Variants in NPAS2 observed in about 807,000 individuals in gnomAD.
The protein encoded by NPAS2 is neuronal PAS domain protein 2.
A neutral mutation model predicts 107.5 loss-of-function variants in NPAS2; 23 were observed. The observed-to-expected ratio is 0.21, with a 90% CI of 0.15 to 0.30. The LOEUF (loss-of-function observed/expected upper bound fraction) is 0.30. Ranked by LOEUF, NPAS2 falls within the 10% of genes least tolerant of loss-of-function variation. NPAS2 has a pLI of 1.00. For synonymous variants in NPAS2, 403 were observed against 417.5 expected (o/e 0.97, Z 0.42); for missense variants, 756 against 1,043.3 (o/e 0.72, Z 3.79).
intron 1 of NPAS2, among the ~76,000 whole-genome samples, chr2:100,871,941 G>A (rs1679616024): frequency 6.6e-6 from 1 of 152,100 alleles, no homozygotes; most frequent in Non-Finnish European, 1.5e-5. Context: ...TTGGGGGAAG[G>A]CAGATATCTT....
chr2:100,970,958 T>C lies in NPAS2; in HGVS notation c.1056-32T>C, dbSNP rs371458110. 1.2e-4 allele frequency: 198 copies of C among 1,600,566 alleles called. 3 individuals are homozygous for C. The Middle Eastern group carries it at 1.7e-3, about 13-fold the overall frequency. ...TGTCATCCCTTCCTGGAATGCCCCA[T>C]CTCCACTGTGGTCTCTTAATTTCCT... is the stretch of plus-strand genomic sequence containing the variant. On this transcript the variant is annotated intron_variant, in intron 11 of 20. Coordinates refer to ENST00000335681, the MANE Select transcript of NPAS2 (RefSeq NM_002518.4).
chr2:100,942,868 T>G (rs1674658567), intron 5 of NPAS2, among the ~76,000 whole-genome samples: 1 of 152,230 alleles, frequency 6.6e-6, no homozygotes, highest in Non-Finnish European at 1.5e-5. Flanking sequence ...CTCCTTTTGC[T>G]CAACATCGTT....
intron 1 of NPAS2, among the ~76,000 whole-genome samples, chr2:100,832,716 A>G (rs1428034921): frequency 2.0e-5 from 2 of 98,372 alleles, no homozygotes; most frequent in Non-Finnish European, 4.0e-5. Flanking sequence ...CCCAGGAAAC[A>G]ATGGGGGTGC....
intron 1 of NPAS2, among the ~76,000 whole-genome samples, chr2:100,859,607 G>A (rs939640580): frequency 1.3e-5 from 2 of 152,142 alleles, no homozygotes; most frequent in African/African-American, 2.4e-5. Context: ...CCAGGGGAGC[G>A]AGCAGAGCTT....
intron 1 of NPAS2, chr2:100,878,459 G>A (rs1161782667): frequency 4.1e-6 from 4 of 985,330 alleles, no homozygotes; most frequent in Non-Finnish European, 3.6e-6. Context: ...CAACAAGCTG[G>A]AGAATAGCTC....
Position 100,830,792 on chromosome 2 carries a change from A to G in NPAS2, c.-23+10378A>G, listed in dbSNP as rs537746218. Among the ~76,000 whole-genome samples, 3 of 152,332 alleles carry G rather than the reference A, an allele frequency of 2.0e-5. No individual in the cohort carries two copies. The East Asian group carries it at 5.8e-4, about 29-fold the overall frequency. On this transcript the variant is annotated intron_variant, in intron 1 of 20. Coordinates refer to ENST00000335681, the MANE Select transcript of NPAS2 (RefSeq NM_002518.4). ...AACTTGATGGCTTCAATTTTCCATT[A>G]TCCATCATGGAGGGTGAAGACCTTT... is the stretch of plus-strand genomic sequence containing the variant.
chr2:100,873,370 A>G lies in NPAS2; in HGVS notation c.-22-31363A>G, dbSNP rs571573185. On this transcript the variant is annotated intron_variant, in intron 1 of 20. Transcript: ENST00000335681. ...TATACATACACACATATGTGTATAT[A>G]TATATATTTTTTCAAATATATATAT... Among the ~76,000 whole-genome samples the G allele has an allele frequency of 1.9e-3, 280 of 145,824 alleles. 2 individuals carry two copies. The highest frequency in any genetic ancestry group is 6.8e-3 in the African/African-American group (271 of 39,824).
intron 1 of NPAS2, among the ~76,000 whole-genome samples, chr2:100,871,846 C>T (rs1216039466): frequency 6.6e-6 from 1 of 152,104 alleles, no homozygotes; most frequent in Non-Finnish European, 1.5e-5. Flanking sequence ...GAAACCCTTA[C>T]TTAATTTAGT....
chr2:100,854,118 C>G (rs1288242264), intron 1 of NPAS2, among the ~76,000 whole-genome samples: 1 of 146,042 alleles, frequency 6.8e-6, no homozygotes, highest in Non-Finnish European at 1.5e-5. Context: ...CCACTGCACT[C>G]CAGCCTCGAC....
intron 8 of NPAS2, 121 bp from the exon 9 acceptor site, chr2:100,964,740 C>T: frequency 1.5e-6 from 1 of 646,948 alleles, no homozygotes; most frequent in Non-Finnish European, 2.7e-6. Context: ...TCCAACACGA[C>T]TTGGAGACTT....
intron 1 of NPAS2, among the ~76,000 whole-genome samples, chr2:100,853,361 A>G (rs565397512): frequency 9.2e-5 from 14 of 152,188 alleles, no homozygotes; most frequent in Non-Finnish European, 1.8e-4. Flanking sequence ...GTGCTCTACG[A>G]TGGAGTCAAG....
rs35830048 is a variant in NPAS2 at position 100,838,173 on chromosome 2, C to CT, written c.-23+17775dup. 5.1e-3 allele frequency among the ~76,000 whole-genome samples: 681 copies of CT among 134,008 alleles called. 3 individuals are homozygous for CT. Among genetic ancestry groups the CT allele is most frequent in the African/African-American group, 7.5e-3 (274 of 36,704 alleles). The allele number at this position is 134,008 out of a possible 152,430, so 87.9% of individuals were successfully genotyped here. A position where few individuals can be genotyped will look rare whatever the true frequency, so the allele number is the denominator to read the frequency against. ...CCTGAAATTGTCATCCCTGGGTTAG[C>CT]TTTTTTTTTTTTTTTTAATAATTCC... On this transcript the variant is annotated intron_variant, in intron 1 of 20. Coordinates refer to ENST00000335681, the MANE Select transcript of NPAS2 (RefSeq NM_002518.4).
chr2:100,944,546 C>T (rs1014010303), intron 5 of NPAS2, among the ~76,000 whole-genome samples: 2 of 152,158 alleles, frequency 1.3e-5, no homozygotes, highest in Admixed American at 1.3e-4. Flanking sequence ...TTTTAATAAA[C>T]AGAACTCAGC....
chr2:100,945,581 G>A (rs1218434009), intron 5 of NPAS2, among the ~76,000 whole-genome samples: 1 of 152,148 alleles, frequency 6.6e-6, no homozygotes, highest in Non-Finnish European at 1.5e-5. Context: ...CCTGGCACAG[G>A]GTCGAGCCCT....
intron 7 of NPAS2, among the ~76,000 whole-genome samples, chr2:100,952,672 C>T (rs1675302936): frequency 6.6e-6 from 1 of 152,046 alleles, no homozygotes; most frequent in Non-Finnish European, 1.5e-5. Context: ...TAAGATGCTG[C>T]TGAATATCCC....
At position 100,988,119 on chromosome 2, in the gene NPAS2, G is replaced by A. The variant is rs1433367856; in HGVS notation, c.1670G>A (p.Ser557Asn). 1 of 1,614,210 alleles carries A rather than the reference G, an allele frequency of 6.2e-7. No homozygotes were observed. The highest frequency in any genetic ancestry group is 2.2e-5 in the East Asian group (1 of 44,876). Reference sequence around the variant, plus strand: ...CCAGCTGTATCCCTGAGCTTCAGCAGCACCCAGCGACCTGAGGCTCAGCAG... The same window carrying A: ...CCAGCTGTATCCCTGAGCTTCAGCAACACCCAGCGACCTGAGGCTCAGCAG... ...QQPAVSLSFS[S>N]TQRPEAQQQL... is the part of the protein sequence containing the mutation. Residue 557 changes from serine (S) to asparagine (N), a missense_variant, in exon 17 of 21, where the codon AGC becomes AAC. Physicochemically the swap from Ser to Asn is conservative, Grantham distance 46. Around this residue, in one of 4 missense-constraint regions of NPAS2, gnomAD observed 496 missense variants for 594.4 expected, o/e 0.83. Coordinates refer to ENST00000335681, the MANE Select transcript of NPAS2 (RefSeq NM_002518.4).
intron 16 of NPAS2, chr2:100,985,151 A>G (rs1677707916): frequency 6.6e-6 from 1 of 152,064 alleles, no homozygotes; most frequent in Non-Finnish European, 1.5e-5. Flanking sequence ...CCATCCAGCC[A>G]TCATCTATCC....
intron 1 of NPAS2, chr2:100,901,444 G>A (rs897416146): frequency 1.4e-5 from 12 of 830,354 alleles, no homozygotes; most frequent in African/African-American, 5.6e-5. Context: ...AAAAGACTCC[G>A]GAGAGTTTGT....
rs1278763545 is a variant in NPAS2, at chr2:100,965,616, G to A, written c.801-44G>A. The A allele has an allele frequency of 7.5e-7, 1 of 1,333,488 alleles. No individual in the cohort carries two copies. The highest frequency in any genetic ancestry group is 1.2e-5 in the South Asian group (1 of 83,796). 82.6% of individuals were successfully genotyped at this position (1,333,488 alleles called of 1,614,324 possible). A position where few individuals can be genotyped will look rare whatever the true frequency, so the allele number is the denominator to read the frequency against. On this transcript the variant is annotated intron_variant, in intron 9 of 20. Transcript: ENST00000335681. This position sits in a 1 kb window ranked among gnomAD's most constrained non-coding sequence, Gnocchi z 4.3. Reference sequence around the variant, plus strand: ...CATGGCCACCAGGGTGAGCCCTGCAGGGTGTCTCCTCCCTGATGACAAGTC... The same window carrying A: ...CATGGCCACCAGGGTGAGCCCTGCAAGGTGTCTCCTCCCTGATGACAAGTC...
Sources: allele counts gnomAD v4.1 joint callset (sites outside exome capture counted in the v4.1 genomes callset), GRCh38; gene constraint gnomAD v4.1.1; regional missense constraint gnomAD v4.1.1; non-coding constraint Gnocchi (gnomAD v3.1); transcripts MANE v1.5; gene names NCBI Gene and HGNC (gene_info 2026-07-23, HGNC 2026-07-21).